STARD5: variants seen among roughly 807,000 people sequenced by gnomAD.
The protein encoded by STARD5 is stAR-related lipid transfer protein 5.
STARD5 carries 26 observed loss-of-function variants against 24.6 expected under a neutral mutation model. The ratio of observed to expected loss-of-function variants is 1.06; its 90% CI spans 0.77 to 1.47. The LOEUF (loss-of-function observed/expected upper bound fraction) is 1.47. Ranked by LOEUF, STARD5 falls within the 40% of genes most tolerant of loss-of-function variation. STARD5 has a pLI of 0.00. For missense variants in STARD5, 254 were observed against 270.8 expected, an observed-to-expected ratio of 0.94 and a Z score of 0.44; for synonymous variants, 101 against 99.7, an observed-to-expected ratio of 1.01 and a Z score of -0.07.
chr15:81,322,741 T>C, intron 2 of STARD5, 158 bp downstream of exon 2: 3 of 1,308,420 alleles, frequency 2.3e-6, no homozygotes, highest in Non-Finnish European at 2.2e-6. Flanking sequence ...AAGAATACAG[T>C]TTGCTGGAAA....
At chr15:81,323,089 G>A (rs1893322347) in intron 1 of STARD5, 141 bp from the exon 2 acceptor site, 1 of 825,348 alleles carries the variant, frequency 1.2e-6, no homozygotes, top group East Asian at 2.7e-5. Context: ...ACGTGGAAAA[G>A]CTGGGACTAG....
intron 1 of STARD5, 106 bp from the exon 2 acceptor site, chr15:81,323,054 G>T (rs1438883287): frequency 1.6e-6 from 2 of 1,238,774 alleles, no homozygotes; most frequent in Non-Finnish European, 2.3e-6. Flanking sequence ...CAAGAGATAC[G>T]ACTCTCCAAG....
In STARD5 at chr15:81,310,075, A is replaced by G. The variant is rs1173919779; in HGVS notation, c.*3181T>C. The stretch of plus-strand genomic sequence containing the variant: ...TGATTGCCAAGCTCAGGACCAGGCA[A>G]TGTGACTTTGCATCAGCAACAACCA... On this transcript the variant is annotated 3_prime_UTR_variant, in exon 6 of 6. Coordinates refer to ENST00000302824, the MANE Select transcript of STARD5 (RefSeq NM_181900.3). 6.6e-6 allele frequency: 1 copy of G among 152,248 alleles called. No homozygotes were observed. Among genetic ancestry groups the G allele is most frequent in the East Asian group, 1.9e-4 (1 of 5,200 alleles). The allele number at this position is 152,248 out of a possible 1,614,324, so 9.4% of individuals were successfully genotyped here.
In STARD5 at chr15:81,324,058, G is replaced by A; in HGVS notation, c.42C>T (p.Ala14=). ...CCCGCCGGTACTGGAGCATCTTCTC[G>A]GCCACAGCCTCGCTCATCTGGGCTG... The part of the protein sequence containing the change: ...ALAAQMSEAV[A]EKMLQYRRDT... Residue 14 remains alanine, a synonymous_variant, in exon 1 of 6, where the codon GCC becomes GCT. Transcript: ENST00000302824. 3 of 1,586,120 alleles carry A rather than the reference G, an allele frequency of 1.9e-6. No homozygotes were observed. Among genetic ancestry groups the A allele is most frequent in the Non-Finnish European group, 2.6e-6 (3 of 1,163,652 alleles).
At chr15:81,322,148 C>T (rs554943946) in intron 3 of STARD5, among the ~76,000 whole-genome samples, 12 of 152,328 alleles carry the variant, frequency 7.9e-5, no homozygotes, top group African/African-American at 2.9e-4. Flanking sequence ...TTGCCTAGTG[C>T]AGCAGCCCCA....
chr15:81,315,184 C>T lies in STARD5; in HGVS notation c.495-1781G>A, dbSNP rs538866573. Reference sequence around the variant, plus strand: ...TAGAGCCTTCTCTCTCCTCCCTGCTCCTCCTCCCAATGGGCTTCCTCTGGC... The same window carrying T: ...TAGAGCCTTCTCTCTCCTCCCTGCTTCTCCTCCCAATGGGCTTCCTCTGGC... On this transcript the variant is annotated intron_variant, in intron 5 of 5. Coordinates refer to ENST00000302824, the MANE Select transcript of STARD5 (RefSeq NM_181900.3). Among the ~76,000 whole-genome samples, 4 of 152,258 alleles carry T rather than the reference C, an allele frequency of 2.6e-5. No homozygotes were observed. The East Asian group carries it at 7.7e-4, about 29-fold the overall frequency.
At chr15:81,314,503 A>G (rs1901030068) in intron 5 of STARD5, among the ~76,000 whole-genome samples, 2 of 152,348 alleles carry the variant, frequency 1.3e-5, no homozygotes, top group East Asian at 3.9e-4. Context: ...CAGCCTCACC[A>G]GGAACCCCAG....
chr15:81,323,912 A>T, intron 1 of STARD5, 89 bp downstream of exon 1: 1 of 1,355,948 alleles, frequency 7.4e-7, no homozygotes, highest in Non-Finnish European at 1.0e-6. Flanking sequence ...GCAGAAAACA[A>T]CGGGGAGAGG....
rs1901128548 is a variant in STARD5 at position 81,318,493 on chromosome 15, A to C, written c.410T>G (p.Val137Gly). The C allele has an allele frequency of 7.4e-6, 12 of 1,613,912 alleles. No individual in the cohort carries two copies. The highest frequency in any genetic ancestry group is 1.0e-5 in the Non-Finnish European group (12 of 1,180,010). The change falls in exon 5 of 6, where the codon GTG becomes GGG. Residue 137 changes from valine to glycine, a missense_variant. Coordinates refer to ENST00000302824, the MANE Select transcript of STARD5 (RefSeq NM_181900.3). ...CTTCGGGGGACATAACGGATGCTCC[A>C]CATGGGTGGCTGGAAGACAGTGCAG... The part of the protein sequence containing the change: ...DGTISSNATH[V>G]EHPLCPPKPG...
chr15:81,314,416 T>C (rs1567054686), intron 5 of STARD5, among the ~76,000 whole-genome samples: 1 of 152,180 alleles, frequency 6.6e-6, no homozygotes, highest in Non-Finnish European at 1.5e-5. Flanking sequence ...GACAAACTTC[T>C]CAACGGCCAG....
At chr15:81,322,357 T>C (rs767668127) in intron 3 of STARD5, 51 bp downstream of exon 3, 4 of 1,611,874 alleles carry the variant, frequency 2.5e-6, no homozygotes. Flanking sequence ...AGGGGGTTAC[T>C]ATAGCCTGGC....
rs1463348550 is a variant in STARD5, at chr15:81,312,134, T to G, written c.*1122A>C. The G allele has an allele frequency of 1.3e-5, 2 of 152,232 alleles. No homozygotes were observed. The highest frequency in any genetic ancestry group is 6.5e-5 in the Admixed American group (1 of 15,276). 9.4% of individuals were successfully genotyped at this position (152,232 alleles called of 1,614,324 possible). On this transcript the variant is annotated 3_prime_UTR_variant, in exon 6 of 6. Transcript: ENST00000302824. ...TTTCTTACAAGGAAGGTGGTGGGGGTGCAGATGAGGTTGCTAGAGAATGTT... is the reference window on the plus strand; with the variant it reads ...TTTCTTACAAGGAAGGTGGTGGGGGGGCAGATGAGGTTGCTAGAGAATGTT...
chr15:81,314,328 T>G (rs545126243), intron 5 of STARD5, among the ~76,000 whole-genome samples: 33 of 152,302 alleles, frequency 2.2e-4, no homozygotes, highest in Middle Eastern at 3.4e-3. Context: ...AGATGCTGAC[T>G]GGAAGTCCAG....
intron 4 of STARD5, among the ~76,000 whole-genome samples, chr15:81,319,072 C>T (rs1350778977): frequency 6.6e-6 from 1 of 151,546 alleles, no homozygotes; most frequent in Non-Finnish European, 1.5e-5. Flanking sequence ...ATGTGTACAG[C>T]ACACACCATG....
intron 2 of STARD5, 154 bp from the exon 3 acceptor site, chr15:81,322,694 C>A: frequency 7.6e-7 from 1 of 1,321,638 alleles, no homozygotes; most frequent in Non-Finnish European, 1.1e-6. Context: ...AGCCCCGCCT[C>A]CCTTCAGGCC....
At chr15:81,319,175 C>A (rs555435222) in intron 4 of STARD5, among the ~76,000 whole-genome samples, 164 bp downstream of exon 4, 1 of 152,260 alleles carries the variant, frequency 6.6e-6, no homozygotes, top group South Asian at 2.1e-4. Flanking sequence ...GTCAGACCCC[C>A]ATGGCCCTGA....
chr15:81,317,022 C>A (rs572699544), intron 5 of STARD5, among the ~76,000 whole-genome samples: 2 of 152,078 alleles, frequency 1.3e-5, no homozygotes, highest in African/African-American at 4.8e-5. Flanking sequence ...CATGGTGAAA[C>A]CCCGGCTCTA....
chr15:81,317,708 G>A (rs1901111853), intron 5 of STARD5, among the ~76,000 whole-genome samples: 2 of 152,160 alleles, frequency 1.3e-5, no homozygotes, highest in Non-Finnish European at 2.9e-5. Context: ...TATGGAGACT[G>A]CAGGGAACAC....
chr15:81,313,463 C>T (rs1363935647), intron 5 of STARD5, 60 bp from the exon 6 acceptor site: 1 of 1,431,988 alleles, frequency 7.0e-7, no homozygotes, highest in Non-Finnish European at 9.2e-7. Context: ...GGGACGAGCG[C>T]CAGGCAGGTG....
Sources: gnomAD v4.1 joint callset for allele counts (sites outside exome capture counted in the v4.1 genomes callset) on GRCh38, gnomAD v4.1.1 for gene constraint, MANE v1.5 for transcripts, NCBI Gene and HGNC (gene_info 2026-07-23, HGNC 2026-07-21) for gene names.